The following ESR1 variants were observed in gnomAD, a reference collection of about 807,000 sequenced individuals.
The protein encoded by ESR1 is estrogen receptor 1, also known as estrogen receptor.
A neutral mutation model predicts 52.7 loss-of-function variants in ESR1; 12 were observed. The observed-to-expected ratio is 0.23, with a 90% CI of 0.15 to 0.37. The LOEUF is 0.37. ESR1 is among the 10% of genes least tolerant of loss of function. The probability of loss-of-function intolerance (pLI) is 1.00; values close to 1 mark genes in which losing one functional copy is unlikely to be tolerated. For synonymous variants in ESR1, 305 were observed against 316.8 expected, an observed-to-expected ratio of 0.96 and a Z score of 0.39; for missense variants, 584 against 779.7, an observed-to-expected ratio of 0.75 and a Z score of 2.99.
chr6:152,059,315 A>AT (rs1217565268), intron 5 of ESR1, among the ~76,000 whole-genome samples: 1 of 151,850 alleles, frequency 6.6e-6, no homozygotes, highest in Non-Finnish European at 1.5e-5. Context: ...TATATGTAAA[A>AT]TTTTTTTATT....
chr6:151,693,774 T>A (rs1217195053), intron 1 of ESR1, among the ~76,000 whole-genome samples: 1 of 152,166 alleles, frequency 6.6e-6, no homozygotes, highest in Non-Finnish European at 1.5e-5. Context: ...TGTGCCACCA[T>A]GGCCAGCTAA....
chr6:151,847,358 T>C (rs1393342840), intron 2 of ESR1, among the ~76,000 whole-genome samples: 1 of 152,202 alleles, frequency 6.6e-6, no homozygotes, highest in Non-Finnish European at 1.5e-5. Context: ...TGTAGAGCTC[T>C]GTTAAAAAGA....
downstream of ESR1, among the ~76,000 whole-genome samples, chr6:152,107,995 T>C (rs1023879238): frequency 3.3e-5 from 5 of 152,236 alleles, no homozygotes; most frequent in Non-Finnish European, 5.9e-5. Flanking sequence ...TGGATCTGTA[T>C]GTGGCTGGAG....
At chr6:151,809,361 C>CTTTTGTT (rs574950134) in intron 1 of ESR1, 2 of 271,108 alleles carry the variant, frequency 7.4e-6, no homozygotes, top group African/African-American at 2.3e-5. Flanking sequence ...CCAGTTTCTC[C>CTTTTGTT]TTTTGTTTTT....
At chr6:152,051,124 A>G (rs1012513389) in intron 5 of ESR1, among the ~76,000 whole-genome samples, 1 of 152,100 alleles carries the variant, frequency 6.6e-6, no homozygotes, top group African/African-American at 2.4e-5. Context: ...TTCTGAGCCT[A>G]CTTGGTCTTT....
downstream of ESR1, among the ~76,000 whole-genome samples, chr6:152,103,980 C>CA (rs1554342545): frequency 1.1e-5 from 1 of 93,884 alleles, no homozygotes; most frequent in Non-Finnish European, 1.9e-5. Context: ...TTCATTCTAC[C>CA]TTTTTTTTTT....
At chr6:151,737,040 T>C (rs1782730417) in intron 2 of ESR1, among the ~76,000 whole-genome samples, 1 of 152,204 alleles carries the variant, frequency 6.6e-6, no homozygotes, top group African/African-American at 2.4e-5. Flanking sequence ...TATAAACTTA[T>C]AAAAAATGAA....
At chr6:152,039,076 C>G (rs2045569672) in intron 5 of ESR1, among the ~76,000 whole-genome samples, 2 of 152,172 alleles carry the variant, frequency 1.3e-5, no homozygotes, top group African/African-American at 4.8e-5. Flanking sequence ...ATTACAGTAA[C>G]CTGGTTGCTG....
chr6:151,934,839 A>G (rs929165387), intron 3 of ESR1, among the ~76,000 whole-genome samples: 4 of 152,244 alleles, frequency 2.6e-5, no homozygotes, highest in Non-Finnish European at 2.9e-5. Context: ...GCAATTACAG[A>G]ATCATGATCA....
At chr6:151,713,695 C>T (rs1780798685) in intron 2 of ESR1, among the ~76,000 whole-genome samples, 1 of 148,788 alleles carries the variant, frequency 6.7e-6, no homozygotes, top group African/African-American at 2.5e-5. Context: ...TTCCCTTTAT[C>T]ATATTTTAGT....
intron 5 of ESR1, among the ~76,000 whole-genome samples, chr6:152,054,853 A>G (rs759241746): frequency 1.5e-4 from 23 of 152,176 alleles, no homozygotes; most frequent in Non-Finnish European, 2.9e-4. Context: ...CAAATGCTAC[A>G]TACTATTTGT....
intron 5 of ESR1, among the ~76,000 whole-genome samples, chr6:152,054,510 C>G (rs1025041238): frequency 1.3e-5 from 2 of 152,076 alleles, no homozygotes; most frequent in African/African-American, 4.8e-5. Context: ...CTCTCTCCCC[C>G]AATCTCCTTT....
intron 2 of ESR1, among the ~76,000 whole-genome samples, chr6:151,742,945 A>G (rs539154418): frequency 7.9e-4 from 121 of 152,324 alleles, no homozygotes; most frequent in African/African-American, 2.5e-3. Context: ...CGAAAATTGA[A>G]TGGTGCTTAA....
chr6:151,906,250 A>T (rs1797437787), intron 3 of ESR1, among the ~76,000 whole-genome samples: 1 of 152,186 alleles, frequency 6.6e-6, no homozygotes, highest in Non-Finnish European at 1.5e-5. Flanking sequence ...CTTGTAAATG[A>T]CAAATTAGTT....
At chr6:151,979,586 A>G (rs1049934495) in intron 4 of ESR1, among the ~76,000 whole-genome samples, 2 of 152,188 alleles carry the variant, frequency 1.3e-5, no homozygotes, top group African/African-American at 2.4e-5. Flanking sequence ...ACTTTTGAGA[A>G]TGTACAGTAA....
chr6:151,785,281 A>G (rs570464323), intron 2 of ESR1, among the ~76,000 whole-genome samples: 41 of 152,270 alleles, frequency 2.7e-4, no homozygotes, highest in Middle Eastern at 6.8e-3. Context: ...CTTTGACAGA[A>G]TGGTCAAGAG....
intron 4 of ESR1, among the ~76,000 whole-genome samples, chr6:151,947,766 A>G (rs1421667428): frequency 6.6e-6 from 1 of 152,202 alleles, no homozygotes; most frequent in Non-Finnish European, 1.5e-5. Context: ...GTAGACCTGG[A>G]TAAAGATGAC....
chr6:151,964,493 G>A (rs2038029571), intron 4 of ESR1, among the ~76,000 whole-genome samples: 2 of 151,816 alleles, frequency 1.3e-5, no homozygotes, highest in Admixed American at 1.3e-4. Context: ...ATATAGAAAA[G>A]CTATGGATTT....
intron 3 of ESR1, among the ~76,000 whole-genome samples, chr6:151,943,829 C>T (rs943996546): frequency 5.3e-5 from 8 of 152,142 alleles, no homozygotes; most frequent in Non-Finnish European, 8.8e-5. Flanking sequence ...CCTAGTGTGT[C>T]GGAATCAGTT....
Sources: allele counts gnomAD v4.1 joint callset (sites outside exome capture counted in the v4.1 genomes callset), GRCh38; gene constraint gnomAD v4.1.1; transcripts MANE v1.5; gene names NCBI Gene and HGNC (gene_info 2026-07-23, HGNC 2026-07-21).